STPG2: variants seen among roughly 807,000 people sequenced by gnomAD.
STPG2 encodes sperm tail PG-rich repeat containing 2.
STPG2 carries 56 observed loss-of-function variants against 54.2 expected under a neutral mutation model. The ratio of observed to expected loss-of-function variants is 1.03; its 90% CI spans 0.83 to 1.29. The LOEUF is 1.29. Ranked by LOEUF, STPG2 falls within the 50% of genes most tolerant of loss-of-function variation. The pLI is 0.00. For missense variants in STPG2, 596 were observed against 544.9 expected (o/e 1.09, Z -0.93); for synonymous variants, 200 against 181.8 (o/e 1.10, Z -0.81).
intron 4 of STPG2, among the ~76,000 whole-genome samples, chr4:97,487,817 A>G (rs1730405410): frequency 6.6e-6 from 1 of 151,596 alleles, no homozygotes; most frequent in African/African-American, 2.4e-5. Context: ...TAAATGACTT[A>G]GAAAAAAAGC....
At chr4:97,644,487 G>C (rs1721854534) in intron 10 of STPG2, among the ~76,000 whole-genome samples, 1 of 151,972 alleles carries the variant, frequency 6.6e-6, no homozygotes, top group Admixed American at 6.6e-5. Flanking sequence ...GTGACAAACT[G>C]TCTGGAAGTT....
chr4:97,575,933 C>A (rs1179527427), intron 10 of STPG2, among the ~76,000 whole-genome samples: 1 of 152,022 alleles, frequency 6.6e-6, no homozygotes, highest in Non-Finnish European at 1.5e-5. Flanking sequence ...CACACAAAAT[C>A]AATATATAAA....
intron 10 of STPG2, among the ~76,000 whole-genome samples, chr4:97,683,514 A>C (rs1242750600): frequency 6.6e-6 from 1 of 151,830 alleles, no homozygotes; most frequent in Non-Finnish European, 1.5e-5. Context: ...TGGATCAGGA[A>C]AAAAATCATA....
intron 9 of STPG2, among the ~76,000 whole-genome samples, chr4:97,755,804 A>G (rs1384912718): frequency 1.3e-5 from 2 of 152,186 alleles, no homozygotes; most frequent in Non-Finnish European, 2.9e-5. Context: ...ATGTTATTTT[A>G]TGGGTTCCTG....
intron 4 of STPG2, among the ~76,000 whole-genome samples, chr4:97,451,199 A>T (rs914556283): frequency 6.6e-6 from 1 of 152,178 alleles, no homozygotes. Flanking sequence ...AATGTCAGAG[A>T]GTGGTATGTT....
intron 5 of STPG2, among the ~76,000 whole-genome samples, chr4:98,029,907 T>C (rs770842438): frequency 4.6e-5 from 7 of 152,128 alleles, no homozygotes; most frequent in Non-Finnish European, 1.0e-4. Flanking sequence ...AAATGCAATA[T>C]ATATTATCTC....
chr4:97,813,690 A>T (rs1374869080), intron 9 of STPG2, among the ~76,000 whole-genome samples: 3 of 101,424 alleles, frequency 3.0e-5, no homozygotes, highest in African/African-American at 1.2e-4. Context: ...AAAAAAAAAA[A>T]AAAAAAAAAA....
chr4:97,686,882 T>C (rs1351249504), intron 10 of STPG2, among the ~76,000 whole-genome samples: 1 of 151,696 alleles, frequency 6.6e-6, no homozygotes, highest in African/African-American at 2.4e-5. Context: ...ATTTTCATTT[T>C]CTCTCAAATG....
intron 9 of STPG2, among the ~76,000 whole-genome samples, chr4:97,795,702 T>C (rs1390102776): frequency 6.6e-6 from 1 of 152,204 alleles, no homozygotes; most frequent in Non-Finnish European, 1.5e-5. Flanking sequence ...TATAATCCTT[T>C]GGGTATATAC....
At position 97,723,934 on chromosome 4, in the gene STPG2, T is replaced by A. The variant is rs555374905; in HGVS notation, c.1205-11120A>T. On this transcript the variant is annotated intron_variant, in intron 9 of 10. Transcript: ENST00000295268. ...TCCCTCAACACGTGGTGATTACAAT[T>A]TGAGATGAGATTTGGGTGGGGACAC... Among the ~76,000 whole-genome samples the A allele has an allele frequency of 4.1e-3, 619 of 152,322 alleles. 6 individuals carry two copies. Among genetic ancestry groups the A allele is most frequent in the African/African-American group, 0.014 (572 of 41,582 alleles).
chr4:97,956,854 G>A (rs1259206731), intron 7 of STPG2, among the ~76,000 whole-genome samples: 1 of 152,070 alleles, frequency 6.6e-6, no homozygotes, highest in Non-Finnish European at 1.5e-5. Context: ...CCTTTCCTCT[G>A]ACAGAGCCTA....
At chr4:97,939,048 C>T (rs572444202) in intron 8 of STPG2, among the ~76,000 whole-genome samples, 5 of 152,114 alleles carry the variant, frequency 3.3e-5, no homozygotes, top group Admixed American at 2.6e-4. Flanking sequence ...TTGATTTCTG[C>T]CTTAATTTCA....
chr4:97,928,418 C>T (rs896968944), intron 8 of STPG2, among the ~76,000 whole-genome samples: 1 of 152,160 alleles, frequency 6.6e-6, no homozygotes, highest in East Asian at 1.9e-4. Flanking sequence ...GATACCAGTA[C>T]ATCATAGTGC....
At chr4:97,837,403 A>T (rs539703381) in intron 9 of STPG2, among the ~76,000 whole-genome samples, 1 of 151,824 alleles carries the variant, frequency 6.6e-6, no homozygotes, top group South Asian at 2.1e-4. Context: ...TGTTGAGCAT[A>T]CCCCTGCCCC....
intron 4 of STPG2, among the ~76,000 whole-genome samples, chr4:97,553,787 C>G (rs534063803): frequency 6.6e-6 from 1 of 152,164 alleles, no homozygotes; most frequent in Non-Finnish European, 1.5e-5. Flanking sequence ...GTATAGCCCT[C>G]TCTTTGGTTT....
rs1482347112 is a variant in STPG2 at position 97,982,247 on chromosome 4, T to C, written c.613-929A>G. On this transcript the variant is annotated intron_variant, in intron 5 of 10. Transcript: ENST00000295268. ...AGAGAAGATGCATGAATAAAAATAA[T>C]ACAGAAAATATGTGTATAACCTTTA... Among the ~76,000 whole-genome samples, 34 of 152,112 alleles carry C rather than the reference T, an allele frequency of 2.2e-4. 2 individuals are homozygous for C. Among genetic ancestry groups the C allele is most frequent in the Non-Finnish European group, 2.1e-4 (14 of 68,010 alleles).
At chr4:97,729,477 T>A (rs1385267299) in intron 9 of STPG2, among the ~76,000 whole-genome samples, 1 of 152,156 alleles carries the variant, frequency 6.6e-6, no homozygotes, top group Non-Finnish European at 1.5e-5. Flanking sequence ...GGAATCAGAT[T>A]AATTTTGTCA....
At chr4:97,735,217 T>C (rs1724939371) in intron 9 of STPG2, among the ~76,000 whole-genome samples, 1 of 151,900 alleles carries the variant, frequency 6.6e-6, no homozygotes, top group Admixed American at 6.6e-5. Flanking sequence ...CAGGGTTATA[T>C]ATATAGATAT....
chr4:97,625,215 C>T (rs970160976), intron 10 of STPG2, among the ~76,000 whole-genome samples: 53 of 152,098 alleles, frequency 3.5e-4, no homozygotes, highest in Admixed American at 1.2e-3. Context: ...TTTTTCAATA[C>T]GGAAAAACAT....
Sources: gnomAD v4.1 joint callset for allele counts (sites outside exome capture counted in the v4.1 genomes callset) on GRCh38, gnomAD v4.1.1 for gene constraint, MANE v1.5 for transcripts, NCBI Gene and HGNC (gene_info 2026-07-23, HGNC 2026-07-21) for gene names.